The following IGFBP7 variants were observed in gnomAD, a reference collection of about 807,000 sequenced individuals.
IGFBP7 encodes the protein insulin like growth factor binding protein 7, also known as insulin-like growth factor-binding protein 7.
A neutral mutation model predicts 29.4 loss-of-function variants in IGFBP7; 31 were observed. The ratio of observed to expected loss-of-function variants is 1.05; its 90% CI spans 0.79 to 1.42. IGFBP7 has a LOEUF of 1.42. Ranked by LOEUF, IGFBP7 falls within the 40% of genes most tolerant of loss-of-function variation. The pLI is 0.00. For missense variants in IGFBP7, 393 were observed against 395.5 expected (o/e 0.99, Z 0.05); for synonymous variants, 172 against 174.9 (o/e 0.98, Z 0.13).
intron 1 of IGFBP7, among the ~76,000 whole-genome samples, chr4:57,049,395 CACTCTTCTATG>C (rs1168134992): frequency 1.6e-5 from 2 of 125,098 alleles, no homozygotes; most frequent in African/African-American, 6.7e-5. Context: ...TTTACCAATT[CACTCTTCTATG>C]TCATTTCTAC....
Position 57,031,354 on chromosome 4 carries a change from A to AG in IGFBP7, c.830-19_830-18insC. The AG allele has an allele frequency of 6.3e-7, 1 of 1,589,286 alleles. No homozygotes were observed. Among genetic ancestry groups the AG allele is most frequent in the South Asian group, 1.1e-5 (1 of 90,110 alleles). ...ACCTTCACCTGTTTAAAAAAAAAAA[A>AG]AGATAAAAATTAGTTACATATGGGG... On this transcript the variant is annotated intron_variant, in intron 4 of 4. Coordinates refer to ENST00000295666, the MANE Select transcript of IGFBP7 (RefSeq NM_001553.3).
chr4:57,104,429 T>C (rs1332065046), intron 1 of IGFBP7, among the ~76,000 whole-genome samples: 1 of 152,198 alleles, frequency 6.6e-6, no homozygotes, highest in Non-Finnish European at 1.5e-5. Flanking sequence ...AGTGAAGTAT[T>C]ACACTGACTT....
intron 1 of IGFBP7, among the ~76,000 whole-genome samples, chr4:57,056,349 A>T (rs1483973211): frequency 1.3e-5 from 2 of 152,106 alleles, no homozygotes; most frequent in East Asian, 3.9e-4. Flanking sequence ...TGCTCCTCTT[A>T]CGCTAGTGTA....
intron 1 of IGFBP7, among the ~76,000 whole-genome samples, chr4:57,083,700 A>G (rs1163678520): frequency 6.6e-6 from 1 of 152,238 alleles, no homozygotes; most frequent in African/African-American, 2.4e-5. Flanking sequence ...GGCACATAGT[A>G]TGTTCTCAAT....
chr4:57,059,438 T>A (rs1724744814), intron 1 of IGFBP7, among the ~76,000 whole-genome samples: 1 of 152,170 alleles, frequency 6.6e-6, no homozygotes, highest in African/African-American at 2.4e-5. Flanking sequence ...AGATCATGTC[T>A]TTTGCAGGAA....
intron 1 of IGFBP7, among the ~76,000 whole-genome samples, chr4:57,108,043 CAA>C (rs1726078581): frequency 6.6e-6 from 1 of 152,172 alleles, no homozygotes; most frequent in African/African-American, 2.4e-5. Flanking sequence ...AAGAAAATCT[CAA>C]TATTTGGAAT....
chr4:57,054,639 C>CAAAAAAA (rs75161514), intron 1 of IGFBP7, among the ~76,000 whole-genome samples: 2,023 of 26,816 alleles, frequency 0.075, 51 homozygotes, highest in Non-Finnish European at 0.12. Context: ...CTCTCTCTCA[C>CAAAAAAA]AAAAAAAAAA....
intron 2 of IGFBP7, among the ~76,000 whole-genome samples, chr4:57,034,578 T>C (rs1427726287): frequency 6.6e-6 from 1 of 152,010 alleles, no homozygotes; most frequent in East Asian, 1.9e-4. Context: ...AATATATAAA[T>C]AAATATATAC....
intron 2 of IGFBP7, 60 bp downstream of exon 2, chr4:57,040,764 T>G (rs3755905): frequency 0.048 from 55,908 of 1,169,552 alleles, 2,000 homozygotes; most frequent in East Asian, 0.15. Context: ...TTTACCATCC[T>G]TGTGCAGTGC....
chr4:57,104,988 G>A (rs1038815803), intron 1 of IGFBP7, among the ~76,000 whole-genome samples: 1 of 152,188 alleles, frequency 6.6e-6, no homozygotes. Context: ...CCAATTATTA[G>A]CCAGACACTG....
chr4:57,106,715 T>C (rs912750774), intron 1 of IGFBP7, among the ~76,000 whole-genome samples: 1 of 152,150 alleles, frequency 6.6e-6, no homozygotes, highest in African/African-American at 2.4e-5. Context: ...GCGGCTGAAA[T>C]GGGATTGCCA....
intron 1 of IGFBP7, among the ~76,000 whole-genome samples, chr4:57,054,154 A>G (rs545381421): frequency 1.3e-5 from 2 of 152,178 alleles, no homozygotes; most frequent in African/African-American, 4.8e-5. Context: ...CCTGGCTAGG[A>G]CACTTCATCT....
At chr4:57,043,222 T>A (rs1277272) in intron 1 of IGFBP7, among the ~76,000 whole-genome samples, 2 of 152,128 alleles carry the variant, frequency 1.3e-5, no homozygotes, top group African/African-American at 2.4e-5. Flanking sequence ...GAGCTGGCAG[T>A]CTGGGATCCT....
At chr4:57,054,417 G>A (rs1724590046) in intron 1 of IGFBP7, among the ~76,000 whole-genome samples, 1 of 152,036 alleles carries the variant, frequency 6.6e-6, no homozygotes, top group African/African-American at 2.4e-5. Flanking sequence ...GGCAGATCAC[G>A]AGGTCAGGAG....
At chr4:57,082,626 T>G (rs1336857191) in intron 1 of IGFBP7, among the ~76,000 whole-genome samples, 1 of 152,206 alleles carries the variant, frequency 6.6e-6, no homozygotes, top group Non-Finnish European at 1.5e-5. Flanking sequence ...ATTTAAAAAA[T>G]GCAAAAGTGC....
chr4:57,101,439 G>A (rs1003811923), intron 1 of IGFBP7, among the ~76,000 whole-genome samples: 2 of 152,108 alleles, frequency 1.3e-5, no homozygotes, highest in Non-Finnish European at 2.9e-5. Context: ...CTGGATTCCC[G>A]GGACTGCTCC....
At chr4:57,035,610 G>T (rs1446703043) in intron 2 of IGFBP7, among the ~76,000 whole-genome samples, 1 of 152,124 alleles carries the variant, frequency 6.6e-6, no homozygotes, top group Admixed American at 6.5e-5. Context: ...ACAGGCATGT[G>T]CCACCACGCC....
chr4:57,059,560 G>A (rs145374177), intron 1 of IGFBP7, among the ~76,000 whole-genome samples: 2 of 152,134 alleles, frequency 1.3e-5, no homozygotes, highest in East Asian at 1.9e-4. Context: ...ACTCATGAAC[G>A]CAAAGAGGGG....
intron 1 of IGFBP7, among the ~76,000 whole-genome samples, chr4:57,090,362 C>T (rs1302290435): frequency 6.6e-6 from 1 of 152,126 alleles, no homozygotes; most frequent in East Asian, 1.9e-4. Flanking sequence ...ATGATATACC[C>T]TATTGTTTTT....
Sources: gnomAD v4.1 joint callset for allele counts (sites outside exome capture counted in the v4.1 genomes callset) on GRCh38, gnomAD v4.1.1 for gene constraint, MANE v1.5 for transcripts, NCBI Gene and HGNC (gene_info 2026-07-23, HGNC 2026-07-21) for gene names.